SIMC1: variants seen among roughly 807,000 people sequenced by gnomAD.
SIMC1 encodes the protein SUMO interacting motifs containing 1.
In SIMC1, 55 loss-of-function variants were observed where a neutral mutation model predicts 82.3. The observed-to-expected ratio is 0.67, with a 90% confidence interval of 0.54 to 0.84. SIMC1 has a LOEUF of 0.84. Ranked by LOEUF, SIMC1 falls within the 40% of genes least tolerant of loss-of-function variation. The pLI, the probability that SIMC1 is intolerant of heterozygous loss-of-function variation, is 0.00. For missense variants in SIMC1, 915 were observed against 1,107.2 expected (o/e 0.83, Z 2.46); for synonymous variants, 353 against 426.3 (o/e 0.83, Z 2.12).
At chr5:176,265,104 AG>A (rs1170521297) in intron 1 of SIMC1, among the ~76,000 whole-genome samples, 1 of 152,220 alleles carries the variant, frequency 6.6e-6, no homozygotes, top group Non-Finnish European at 1.5e-5. Context: ...TCTATGCAGA[AG>A]ATCTCAAGGA....
intron 1 of SIMC1, among the ~76,000 whole-genome samples, chr5:176,252,352 T>C (rs1483189104): frequency 1.5e-5 from 2 of 133,986 alleles, no homozygotes; most frequent in Admixed American, 1.4e-4. Flanking sequence ...ACGGGGTGGC[T>C]GCCGGGCGGA....
intron 7 of SIMC1, among the ~76,000 whole-genome samples, chr5:176,333,851 AGTTTC>A (rs1765775455): frequency 6.6e-6 from 1 of 150,498 alleles, no homozygotes. Flanking sequence ...ATTGCTGTTT[AGTTTC>A]ATTTATTTTG....
intron 1 of SIMC1, among the ~76,000 whole-genome samples, chr5:176,282,875 A>G (rs370415612): frequency 2.1e-4 from 32 of 152,372 alleles, no homozygotes; most frequent in East Asian, 9.6e-4. Flanking sequence ...TACGTGATGC[A>G]TGCACAAGCT....
At position 176,286,574 on chromosome 5, in the gene SIMC1, T is replaced by C. The variant is rs1420575031; in HGVS notation, c.130-3080T>C. 5.3e-5 allele frequency among the ~76,000 whole-genome samples: 8 copies of C among 152,342 alleles called. No individual in the cohort carries two copies. The East Asian group carries it at 7.7e-4, about 15-fold the overall frequency. ...GGCAATACCATACAGGACATAGGCATAGGCAAAGACTTCATGTCTAAAACA... is the reference window on the plus strand; with the variant it reads ...GGCAATACCATACAGGACATAGGCACAGGCAAAGACTTCATGTCTAAAACA... On this transcript the variant is annotated intron_variant, in intron 1 of 9. Coordinates refer to ENST00000429602, the MANE Select transcript of SIMC1 (RefSeq NM_001308195.2).
In SIMC1 at chr5:176,329,270, G is replaced by A. The variant is rs999723802; in HGVS notation, c.2171+4513G>A. 1.8e-3 allele frequency among the ~76,000 whole-genome samples: 268 copies of A among 152,296 alleles called. 5 individuals are homozygous for A. Among genetic ancestry groups the A allele is most frequent in the Non-Finnish European group, 2.9e-4 (20 of 68,032 alleles). On this transcript the variant is annotated intron_variant, in intron 7 of 9. Coordinates refer to ENST00000429602, the MANE Select transcript of SIMC1 (RefSeq NM_001308195.2). ...GCGGATCACGAGGTCAGGAGATCAA[G>A]ACCATCCTGGCTAACACGGTGAAAC...
intron 1 of SIMC1, among the ~76,000 whole-genome samples, chr5:176,246,770 C>T (rs940285215): frequency 6.6e-6 from 1 of 151,936 alleles, no homozygotes; most frequent in Non-Finnish European, 1.5e-5. Flanking sequence ...GCCCCCCACC[C>T]CCCAACAGGC....
At chr5:176,320,118 G>A (rs1409026427) in intron 5 of SIMC1, among the ~76,000 whole-genome samples, 10 of 152,142 alleles carry the variant, frequency 6.6e-5, no homozygotes, top group Non-Finnish European at 1.2e-4. Flanking sequence ...GGTTTTGGAA[G>A]ACACGTGTGA....
At chr5:176,300,726 G>A (rs1172456476) in intron 4 of SIMC1, among the ~76,000 whole-genome samples, 1 of 152,074 alleles carries the variant, frequency 6.6e-6, no homozygotes, top group Non-Finnish European at 1.5e-5. Flanking sequence ...CTCAGTGATA[G>A]AATTTTTAAA....
At chr5:176,260,955 A>G (rs1761992832) in intron 1 of SIMC1, 1 of 152,272 alleles carries the variant, frequency 6.6e-6, no homozygotes, top group African/African-American at 2.4e-5. Flanking sequence ...TTTAGTGAAG[A>G]TGGCAGCAGC....
rs1050801254 is a variant in SIMC1 at position 176,313,736 on chromosome 5, C to CA, written c.1781dup (p.Thr595AspfsTer5). The CA allele has an allele frequency of 1.4e-5, 22 of 1,613,836 alleles. No individual in the cohort carries two copies. The highest frequency in any genetic ancestry group is 1.6e-5 in the Non-Finnish European group (19 of 1,179,876). ...AGTCCTTTTCCTGCGTTATGTCGTT[C>CA]AGACCCTAGAAGATGACTTTCAGCA... On this transcript the variant is annotated frameshift_variant, in exon 5 of 10. Coordinates refer to ENST00000429602, the MANE Select transcript of SIMC1 (RefSeq NM_001308195.2). LOFTEE classifies it high-confidence loss of function.
intron 2 of SIMC1, among the ~76,000 whole-genome samples, chr5:176,293,921 G>GA (rs1249769517): frequency 6.6e-6 from 1 of 151,824 alleles, no homozygotes; most frequent in African/African-American, 2.4e-5. Context: ...CCACATAATA[G>GA]AAAATCACTT....
chr5:176,265,668 CTG>C (rs952084322), intron 1 of SIMC1, among the ~76,000 whole-genome samples: 2 of 152,084 alleles, frequency 1.3e-5, no homozygotes, highest in African/African-American at 4.8e-5. Flanking sequence ...CCTTAGTAAT[CTG>C]TGTTTCTCCT....
At chr5:176,338,124 A>T (rs761293688) in intron 9 of SIMC1, among the ~76,000 whole-genome samples, 17 of 152,196 alleles carry the variant, frequency 1.1e-4, no homozygotes, top group Non-Finnish European at 2.4e-4. Flanking sequence ...TCTTGCCAAA[A>T]GTTCATGACC....
intron 1 of SIMC1, among the ~76,000 whole-genome samples, chr5:176,263,891 T>C (rs1191262261): frequency 1.3e-5 from 2 of 152,196 alleles, no homozygotes; most frequent in Non-Finnish European, 2.9e-5. Context: ...AGCAAGTTAT[T>C]GAATTCTAAG....
intron 1 of SIMC1, among the ~76,000 whole-genome samples, chr5:176,285,523 C>G (rs562307785): frequency 6.6e-6 from 1 of 152,212 alleles, no homozygotes. Flanking sequence ...AAACCCACAG[C>G]CAATATCATA....
At chr5:176,342,359 A>G (rs943123196) in intron 9 of SIMC1, among the ~76,000 whole-genome samples, 2 of 151,854 alleles carry the variant, frequency 1.3e-5, no homozygotes, top group African/African-American at 4.9e-5. Context: ...AATCTCATCT[A>G]GTACTTGTCT....
intron 1 of SIMC1, among the ~76,000 whole-genome samples, chr5:176,286,552 A>G (rs942869138): frequency 1.3e-5 from 2 of 152,258 alleles, no homozygotes; most frequent in Non-Finnish European, 2.9e-5. Context: ...AAACCTAGGC[A>G]ATACCATACA....
chr5:176,285,167 G>A (rs201241390), intron 1 of SIMC1, among the ~76,000 whole-genome samples: 7 of 151,476 alleles, frequency 4.6e-5, no homozygotes, highest in African/African-American at 1.2e-4. Flanking sequence ...TACCAAAGCC[G>A]GGCAGAGACA....
intron 1 of SIMC1, among the ~76,000 whole-genome samples, chr5:176,288,658 C>G (rs779983204): frequency 1.5e-4 from 23 of 152,326 alleles, no homozygotes; most frequent in Non-Finnish European, 7.3e-5. Context: ...AGGATGCCAA[C>G]TTCTCACTTG....
Sources: gnomAD v4.1 joint callset for allele counts (sites outside exome capture counted in the v4.1 genomes callset) on GRCh38, gnomAD v4.1.1 for gene constraint, MANE v1.5 for transcripts, NCBI Gene and HGNC (gene_info 2026-07-23, HGNC 2026-07-21) for gene names.